The following JAKMIP3 variants were observed in gnomAD, a reference collection of about 807,000 sequenced individuals.
JAKMIP3 encodes the protein janus kinase and microtubule-interacting protein 3.
JAKMIP3 carries 58 observed loss-of-function variants against 118.5 expected under a neutral mutation model. The ratio of observed to expected loss-of-function variants is 0.49; its 90% CI spans 0.40 to 0.61. The LOEUF is 0.61. Among genes scored for constraint, JAKMIP3 ranks in the 20% least tolerant of loss-of-function variants. The pLI is 0.00. For synonymous variants in JAKMIP3, 486 were observed against 451.2 expected, an observed-to-expected ratio of 1.08 and a Z score of -0.98; for missense variants, 950 against 1,109.0, an observed-to-expected ratio of 0.86 and a Z score of 2.04.
At chr10:132,136,110 C>A in intron 6 of JAKMIP3, 34 bp downstream of exon 6, 2 of 1,606,800 alleles carry the variant, frequency 1.2e-6, no homozygotes, top group South Asian at 1.1e-5. Flanking sequence ...GGGCCACGGT[C>A]GCACCCGAGC....
At chr10:132,122,517 G>A (rs375341527) in intron 3 of JAKMIP3, among the ~76,000 whole-genome samples, 8 of 152,382 alleles carry the variant, frequency 5.2e-5, no homozygotes, top group African/African-American at 1.7e-4. Flanking sequence ...AGGGGCAGAA[G>A]CCCAGCCGGG....
chr10:132,104,940 CA>C lies in JAKMIP3; in HGVS notation c.134del (p.Lys45ArgfsTer40). ...IQIELQQEKS[K>X]VSKVEREKNQ... Reference sequence around the variant, plus strand: ...AGATCGAGCTGCAGCAGGAGAAGAGCAAGGTGGGCGCTCCCCAGACCTCCAC... The same window carrying C: ...AGATCGAGCTGCAGCAGGAGAAGAGCAGGTGGGCGCTCCCCAGACCTCCAC... On this transcript the variant is annotated frameshift_variant and splice_region_variant, in exon 2 of 24. Transcript: ENST00000684848. The C allele has an allele frequency of 6.3e-7, 1 of 1,589,330 alleles. No individual in the cohort carries two copies. Among genetic ancestry groups the C allele is most frequent in the South Asian group, 1.2e-5 (1 of 86,920 alleles).
At chr10:132,165,553 C>A (rs916974534) in intron 21 of JAKMIP3, among the ~76,000 whole-genome samples, 1 of 152,232 alleles carries the variant, frequency 6.6e-6, no homozygotes, top group South Asian at 2.1e-4. Flanking sequence ...AGTGGCCCCA[C>A]CTTCTGCCTC....
chr10:132,111,673 T>C (rs9419206), intron 2 of JAKMIP3, among the ~76,000 whole-genome samples: 31,965 of 152,094 alleles, frequency 0.21, 3,696 homozygotes, highest in African/African-American at 0.31. Context: ...CATCCCACCA[T>C]GGCGAGGCAA....
intron 1 of JAKMIP3, among the ~76,000 whole-genome samples, chr10:132,074,631 T>A (rs2040487552): frequency 1.3e-5 from 2 of 152,242 alleles, no homozygotes; most frequent in African/African-American, 4.8e-5. Flanking sequence ...TCCTTTAGAT[T>A]GTCTGTCTAC....
intron 21 of JAKMIP3, among the ~76,000 whole-genome samples, chr10:132,166,443 C>A (rs897389705): frequency 1.3e-5 from 2 of 152,188 alleles, no homozygotes; most frequent in African/African-American, 4.8e-5. Flanking sequence ...GCTCCCGACC[C>A]CCAGCCCAGA....
chr10:132,117,439 G>A lies in JAKMIP3; in HGVS notation c.498G>A (p.Arg166=). Residue 166 remains arginine (R), a synonymous_variant, in exon 3 of 24, where the codon AGG becomes AGA. Coordinates refer to ENST00000684848, the MANE Select transcript of JAKMIP3 (RefSeq NM_001323087.2). This position sits in a 1 kb window ranked among gnomAD's most constrained non-coding sequence, Gnocchi z 8.6. ...QEISELKGAK[R]QVEEALTLVI... ...TCTCCGAGCTCAAGGGCGCCAAAAGGCAGGTGGAGGAGGCGCTGACGCTGG... is the reference window on the plus strand; with the variant it reads ...TCTCCGAGCTCAAGGGCGCCAAAAGACAGGTGGAGGAGGCGCTGACGCTGG... 6.2e-7 allele frequency: 1 copy of A among 1,613,978 alleles called. No homozygotes were observed.
chr10:132,165,750 C>G (rs563498520), intron 21 of JAKMIP3, among the ~76,000 whole-genome samples: 1 of 152,348 alleles, frequency 6.6e-6, no homozygotes, highest in South Asian at 2.1e-4. Context: ...CCCCGCCCCT[C>G]GTAGGCGGTG....
At chr10:132,135,244 C>T in intron 5 of JAKMIP3, 84 bp downstream of exon 5, 1 of 1,408,600 alleles carries the variant, frequency 7.1e-7, no homozygotes, top group Non-Finnish European at 9.6e-7. Flanking sequence ...TTCAAAATTC[C>T]TTGCGTAAAG....
upstream of JAKMIP3, among the ~76,000 whole-genome samples, chr10:132,060,040 T>TA (rs1487181543): frequency 6.6e-6 from 1 of 152,094 alleles, no homozygotes; most frequent in Non-Finnish European, 1.5e-5. Context: ...GAAGGGGAGA[T>TA]AAAACATTGC....
At position 132,118,286 on chromosome 10, in the gene JAKMIP3, G is replaced by A. The variant is rs1271198926; in HGVS notation, c.633+712G>A. Among the ~76,000 whole-genome samples the A allele has an allele frequency of 6.6e-6, 1 of 152,248 alleles. No homozygotes were observed. The highest frequency in any genetic ancestry group is 1.5e-5 in the Non-Finnish European group (1 of 68,050). On this transcript the variant is annotated intron_variant, in intron 3 of 23. Coordinates refer to ENST00000684848, the MANE Select transcript of JAKMIP3 (RefSeq NM_001323087.2). This position sits in a 1 kb window ranked among gnomAD's most constrained non-coding sequence, Gnocchi z 4.8. ...AGAGTCGATGTTCTCAAAGGCCCAG[G>A]GTTCAGCTGACGAGAATGTCCAGGG...
At chr10:132,086,192 T>C (rs1357654712) in intron 1 of JAKMIP3, among the ~76,000 whole-genome samples, 1 of 152,216 alleles carries the variant, frequency 6.6e-6, no homozygotes, top group Non-Finnish European at 1.5e-5. Context: ...TGGAGTTGAT[T>C]TCCAGTTTTA....
intron 1 of JAKMIP3, among the ~76,000 whole-genome samples, chr10:132,082,887 C>T (rs1050698906): frequency 1.3e-5 from 2 of 152,246 alleles, no homozygotes; most frequent in Non-Finnish European, 2.9e-5. Context: ...GGAATACAGG[C>T]GTGAACCACC....
Position 132,137,160 on chromosome 10 carries a change from G to C in JAKMIP3, c.1248+10G>C, listed in dbSNP as rs533727645. 1 of 1,613,894 alleles carries C rather than the reference G, an allele frequency of 6.2e-7. No individual in the cohort carries two copies. The highest frequency in any genetic ancestry group is 8.5e-7 in the Non-Finnish European group (1 of 1,179,840). On this transcript the variant is annotated intron_variant, in intron 7 of 23. Transcript: ENST00000684848. ...AGATGAACTGTCTAAGGTACCCGGC[G>C]GGCTGTTTGCTGCGGCCCCGTCCTC...
chr10:132,131,143 T>C (rs550751858), intron 3 of JAKMIP3, among the ~76,000 whole-genome samples: 1 of 140,770 alleles, frequency 7.1e-6, no homozygotes, highest in South Asian at 2.3e-4. Context: ...GAGGAGGTCC[T>C]GGTGGGTGGG....
intron 6 of JAKMIP3, among the ~76,000 whole-genome samples, chr10:132,136,643 CCTT>C (rs1435231869): frequency 6.6e-6 from 1 of 152,158 alleles, no homozygotes. Context: ...ATGGAAGCCC[CCTT>C]CTTTTCACAC....
intron 1 of JAKMIP3, among the ~76,000 whole-genome samples, chr10:132,041,852 T>C (rs2037764010): frequency 6.6e-6 from 1 of 152,006 alleles, no homozygotes; most frequent in Non-Finnish European, 1.5e-5. Context: ...TTCTTTTCTT[T>C]CTTTTTTCTT....
intron 1 of JAKMIP3, among the ~76,000 whole-genome samples, chr10:132,058,336 C>T (rs2038301913): frequency 6.6e-6 from 1 of 152,244 alleles, no homozygotes; most frequent in South Asian, 2.1e-4. Flanking sequence ...GCCCCTGCTG[C>T]AGCCCAAATC....
intron 3 of JAKMIP3, among the ~76,000 whole-genome samples, chr10:132,130,258 C>T (rs1288444028): frequency 1.3e-5 from 2 of 152,186 alleles, no homozygotes; most frequent in Admixed American, 6.5e-5. Context: ...TTTCCCATCT[C>T]CCCCACCCAT....
Sources: allele counts gnomAD v4.1 joint callset (sites outside exome capture counted in the v4.1 genomes callset), GRCh38; gene constraint gnomAD v4.1.1; non-coding constraint Gnocchi (gnomAD v3.1); transcripts MANE v1.5; gene names NCBI Gene and HGNC (gene_info 2026-07-23, HGNC 2026-07-21).